Variants in CNTN3 observed in about 807,000 individuals in gnomAD.
CNTN3 encodes contactin 3.
CNTN3 carries 60 observed loss-of-function variants against 119.1 expected under a neutral mutation model. The observed-to-expected ratio is 0.50, with a 90% CI of 0.41 to 0.62. The LOEUF is 0.62. Among genes scored for constraint, CNTN3 ranks in the 20% least tolerant of loss-of-function variants. The probability of loss-of-function intolerance (pLI) is 0.00; values close to 1 mark genes in which losing one functional copy is unlikely to be tolerated. For synonymous variants in CNTN3, 450 were observed against 438.7 expected, an observed-to-expected ratio of 1.03 and a Z score of -0.32; for missense variants, 1,101 against 1,242.4, an observed-to-expected ratio of 0.89 and a Z score of 1.71.
chr3:74,613,306 A>G (rs1480051288), intron 1 of CNTN3, among the ~76,000 whole-genome samples: 2 of 138,164 alleles, frequency 1.4e-5, no homozygotes, highest in Non-Finnish European at 3.1e-5. Context: ...TTGCTTAATC[A>G]TTTTAAAATT....
chr3:74,545,655 T>G (rs1233199316), intron 1 of CNTN3, among the ~76,000 whole-genome samples: 3 of 152,238 alleles, frequency 2.0e-5, no homozygotes, highest in Non-Finnish European at 2.9e-5. Context: ...TGCTTTTTTC[T>G]GATACAGGAT....
intron 4 of CNTN3, among the ~76,000 whole-genome samples, chr3:74,442,364 G>C (rs1018400459): frequency 6.6e-6 from 1 of 151,964 alleles, no homozygotes; most frequent in Non-Finnish European, 1.5e-5. Flanking sequence ...GGCTGCTGCC[G>C]ATAACACCCT....
At chr3:74,283,983 T>C (rs1006483222) in intron 20 of CNTN3, among the ~76,000 whole-genome samples, 1 of 152,156 alleles carries the variant, frequency 6.6e-6, no homozygotes, top group East Asian at 1.9e-4. Context: ...TCAAATGGTT[T>C]CTTGCTAAAT....
At chr3:74,595,574 A>G (rs1461199222) in intron 1 of CNTN3, among the ~76,000 whole-genome samples, 3 of 152,168 alleles carry the variant, frequency 2.0e-5, no homozygotes, top group Non-Finnish European at 2.9e-5. Context: ...TATAAACAGA[A>G]CCAAAGACAA....
At chr3:74,312,854 T>G (rs981110134) in intron 13 of CNTN3, among the ~76,000 whole-genome samples, 2 of 152,282 alleles carry the variant, frequency 1.3e-5, no homozygotes, top group East Asian at 3.9e-4. Flanking sequence ...GAGTAAGATA[T>G]AGCAGGAATG....
chr3:74,436,279 G>A (rs1038415671), intron 4 of CNTN3, among the ~76,000 whole-genome samples: 2 of 152,188 alleles, frequency 1.3e-5, no homozygotes, highest in African/African-American at 2.4e-5. Context: ...CATTTTGGAT[G>A]TTTACGGAAA....
intron 13 of CNTN3, among the ~76,000 whole-genome samples, chr3:74,322,379 CAAGT>C (rs1224430361): frequency 3.9e-5 from 6 of 151,966 alleles, no homozygotes; most frequent in Admixed American, 1.3e-4. Context: ...ATGCAGATGG[CAAGT>C]AAGAATACAA....
At chr3:74,355,438 G>A (rs1349159032) in intron 11 of CNTN3, among the ~76,000 whole-genome samples, 1 of 149,006 alleles carries the variant, frequency 6.7e-6, no homozygotes, top group Non-Finnish European at 1.5e-5. Flanking sequence ...CCCATCTGCT[G>A]GTACCAGTGT....
At chr3:74,305,936 G>A (rs1702554761) in intron 13 of CNTN3, among the ~76,000 whole-genome samples, 2 of 151,886 alleles carry the variant, frequency 1.3e-5, no homozygotes, top group African/African-American at 4.8e-5. Context: ...GATGGGAGAA[G>A]TCAAGTAACA....
chr3:74,333,720 A>T (rs754533476), intron 13 of CNTN3, among the ~76,000 whole-genome samples: 7 of 151,248 alleles, frequency 4.6e-5, no homozygotes, highest in South Asian at 4.1e-4. Context: ...GGAGGACACA[A>T]TTCAACTCAA....
chr3:74,599,832 T>G (rs1245591897), intron 1 of CNTN3, among the ~76,000 whole-genome samples: 1 of 152,044 alleles, frequency 6.6e-6, no homozygotes, highest in Non-Finnish European at 1.5e-5. Flanking sequence ...TCCCAATGAT[T>G]TCTCAATAGC....
intron 1 of CNTN3, among the ~76,000 whole-genome samples, chr3:74,579,402 A>G: frequency 6.6e-6 from 1 of 151,944 alleles, no homozygotes; most frequent in East Asian, 1.9e-4. Flanking sequence ...AAAAGGCTTG[A>G]AAAACAGAAT....
At chr3:74,611,492 G>C (rs892819395) in intron 1 of CNTN3, among the ~76,000 whole-genome samples, 1 of 152,132 alleles carries the variant, frequency 6.6e-6, no homozygotes, top group Admixed American at 6.5e-5. Context: ...GAGTGCAGGG[G>C]AGACTATAAG....
rs1703402655 is a variant in CNTN3 at position 74,336,627 on chromosome 3, T to C, written c.1396A>G (p.Ile466Val). 3.1e-6 allele frequency: 5 copies of C among 1,610,738 alleles called. No homozygotes were observed. Among genetic ancestry groups the C allele is most frequent in the Admixed American group, 3.3e-5 (2 of 59,820 alleles). ...ISLLNDGGLK[I>V]ANVTKADAGT... ...GCATCAGCTTTAGTCACATTGGCTATTTTGAGTCCTCCATCGTTTAACAAA... is the reference window on the plus strand; with the variant it reads ...GCATCAGCTTTAGTCACATTGGCTACTTTGAGTCCTCCATCGTTTAACAAA... The change falls in exon 12 of 23, where the codon ATA becomes GTA. Residue 466 changes from isoleucine (I) to valine (V), a missense_variant. By Grantham distance (29) the Ile-to-Val change is conservative. Coordinates refer to ENST00000263665, the MANE Select transcript of CNTN3 (RefSeq NM_020872.3).
chr3:74,299,777 C>T (rs1244075504), intron 17 of CNTN3, 91 bp downstream of exon 17: 7 of 994,462 alleles, frequency 7.0e-6, no homozygotes, highest in Non-Finnish European at 1.1e-5. Flanking sequence ...CTACCACCAC[C>T]ACCTGCACCA....
At chr3:74,476,141 T>G (rs971892425) in intron 4 of CNTN3, among the ~76,000 whole-genome samples, 1 of 152,134 alleles carries the variant, frequency 6.6e-6, no homozygotes, top group Non-Finnish European at 1.5e-5. Context: ...TCAATGTTAA[T>G]GAAGCAACAA....
intron 4 of CNTN3, among the ~76,000 whole-genome samples, chr3:74,449,386 T>C (rs1410324102): frequency 6.6e-6 from 1 of 151,598 alleles, no homozygotes; most frequent in Non-Finnish European, 1.5e-5. Flanking sequence ...CTAATCTCTG[T>C]AGTCATCTCT....
At chr3:74,528,881 C>T (rs1291524486) in intron 1 of CNTN3, among the ~76,000 whole-genome samples, 1 of 151,858 alleles carries the variant, frequency 6.6e-6, no homozygotes, top group Admixed American at 6.6e-5. Flanking sequence ...AGTAATGCAC[C>T]ATCCCTATAA....
chr3:74,317,699 A>T (rs1183900626), intron 13 of CNTN3, among the ~76,000 whole-genome samples: 1 of 152,186 alleles, frequency 6.6e-6, no homozygotes, highest in African/African-American at 2.4e-5. Flanking sequence ...GTTTCTGTGG[A>T]GAGATCAGCT....
Sources: allele counts gnomAD v4.1 joint callset (sites outside exome capture counted in the v4.1 genomes callset), GRCh38; gene constraint gnomAD v4.1.1; transcripts MANE v1.5; gene names NCBI Gene and HGNC (gene_info 2026-07-23, HGNC 2026-07-21).